JAG2: variants seen among roughly 807,000 people sequenced by gnomAD.
JAG2 encodes the protein jagged canonical Notch ligand 2, also known as protein jagged-2.
JAG2 carries 46 observed loss-of-function variants against 141.7 expected under a neutral mutation model. The observed-to-expected ratio is 0.32, with a 90% CI of 0.26 to 0.42. JAG2 has a LOEUF of 0.42. Ranked by LOEUF, JAG2 falls within the 10% of genes least tolerant of loss-of-function variation. JAG2 has a pLI of 1.00. For missense variants in JAG2, 1,500 were observed against 1,817.5 expected (o/e 0.83, Z 3.18); for synonymous variants, 862 against 763.5 (o/e 1.13, Z -2.13).
chr14:105,153,902 G>A (rs1888508338), intron 5 of JAG2, among the ~76,000 whole-genome samples: 1 of 151,882 alleles, frequency 6.6e-6, no homozygotes, highest in South Asian at 2.1e-4. Context: ...GAGGGTGAGT[G>A]GGGCCGACTC....
chr14:105,152,299 A>G lies in JAG2; in HGVS notation c.789-8T>C, dbSNP rs1208812334. Reference sequence around the variant, plus strand: ...TGCCAGCCGTAGCTGCACCTGGGGGAAGGAGGAGGGGCGCAAGACCCAGTG... The same window carrying G: ...TGCCAGCCGTAGCTGCACCTGGGGGGAGGAGGAGGGGCGCAAGACCCAGTG... On this transcript the variant is annotated splice_polypyrimidine_tract_variant and splice_region_variant and intron_variant, in intron 5 of 25. Coordinates refer to ENST00000331782, the MANE Select transcript of JAG2 (RefSeq NM_002226.5). 6.2e-7 allele frequency: 1 copy of G among 1,612,560 alleles called. No individual in the cohort carries two copies. Among genetic ancestry groups the G allele is most frequent in the Non-Finnish European group, 8.5e-7 (1 of 1,179,664 alleles).
chr14:105,151,982 C>T lies in JAG2; in HGVS notation c.995G>A (p.Arg332His), dbSNP rs587684377. ...TCINAEPDQYRCTCPDGYSGR... is the reference protein window; with the variant it reads ...TCINAEPDQYHCTCPDGYSGR... The stretch of plus-strand genomic sequence containing the variant: ...CGAGTAGCCGTCAGGGCAGGTGCAG[C>T]GGTACTGGTCAGGCTCGGCGTTGAT... Residue 332 changes from arginine (R) to histidine (H), a missense_variant, in exon 7 of 26, where the codon CGC becomes CAC. Arg to His is a conservative substitution (Grantham distance 29). Coordinates refer to ENST00000331782, the MANE Select transcript of JAG2 (RefSeq NM_002226.5). 2.1e-5 allele frequency: 34 copies of T among 1,613,362 alleles called. No individual in the cohort carries two copies. In the South Asian group the frequency reaches 2.9e-4, roughly 14 times the overall value.
intron 2 of JAG2, among the ~76,000 whole-genome samples, chr14:105,160,413 C>T (rs1888712732): frequency 6.8e-6 from 1 of 146,532 alleles, no homozygotes; most frequent in Non-Finnish European, 1.5e-5. Context: ...AGCACCCAGC[C>T]GCTTCCCAGG....
At chr14:105,164,970 C>G (rs1888865706) in intron 2 of JAG2, among the ~76,000 whole-genome samples, 1 of 152,174 alleles carries the variant, frequency 6.6e-6, no homozygotes, top group Non-Finnish European at 1.5e-5. Flanking sequence ...CCATCCCGTT[C>G]TCCTCATAAG....
chr14:105,162,813 TCCAGGGCACCCCCAGCCCAGGGCACTGC>T (rs1888795975), intron 2 of JAG2, among the ~76,000 whole-genome samples: 1 of 121,042 alleles, frequency 8.3e-6, no homozygotes, highest in Non-Finnish European at 1.8e-5. Context: ...GCACTCCAGG[TCCAGGGCACCCCCAGCCCAGGGCACTGC>T]ATGGCCCAGC....
chr14:105,153,491 C>T (rs1202362247), intron 5 of JAG2, among the ~76,000 whole-genome samples: 6 of 152,204 alleles, frequency 3.9e-5, no homozygotes, highest in African/African-American at 7.2e-5. Flanking sequence ...GTCCCAAGGG[C>T]GTGCTCTCGA....
rs987784915 is a variant in JAG2, at chr14:105,156,003, CAG to C, written c.476-16_476-15del. The stretch of plus-strand genomic sequence containing the variant: ...TCAGCAGCTCCTCTTGGGGAGGCGG[CAG>C]AGTCAGCACAGGCCAGAGAAACCAG... On this transcript the variant is annotated splice_polypyrimidine_tract_variant and intron_variant, in intron 3 of 25. Transcript: ENST00000331782. The C allele has an allele frequency of 6.2e-7, 1 of 1,600,032 alleles. No individual in the cohort carries two copies. Among genetic ancestry groups the C allele is most frequent in the Non-Finnish European group, 8.5e-7 (1 of 1,178,984 alleles).
At chr14:105,164,503 G>A (rs975866372) in intron 2 of JAG2, among the ~76,000 whole-genome samples, 1 of 152,224 alleles carries the variant, frequency 6.6e-6, no homozygotes, top group African/African-American at 2.4e-5. Context: ...ATCCCCTGAA[G>A]GTAGGGTGGG....
rs1888237151 is a variant in JAG2 at position 105,146,732 on chromosome 14, G to A, written c.2480-8C>T. Reference sequence around the variant, plus strand: ...ACTGGCACTCGTCGATGTCTGCAGGGAGAGCCACCGCTGCTCAGTGCAGTG... The same window carrying A: ...ACTGGCACTCGTCGATGTCTGCAGGAAGAGCCACCGCTGCTCAGTGCAGTG... On this transcript the variant is annotated splice_polypyrimidine_tract_variant and splice_region_variant and intron_variant, in intron 20 of 25. Transcript: ENST00000331782. 1.2e-6 allele frequency: 2 copies of A among 1,606,978 alleles called. No individual in the cohort carries two copies. Among genetic ancestry groups the A allele is most frequent in the South Asian group, 1.1e-5 (1 of 90,822 alleles).
chr14:105,168,236 C>A, intron 1 of JAG2, 119 bp downstream of exon 1: 1 of 824,540 alleles, frequency 1.2e-6, no homozygotes, highest in Non-Finnish European at 1.5e-6. Context: ...GCCCCAGCCG[C>A]CGCGCGCAGC....
Position 105,155,906 on chromosome 14 carries a change from C to T in JAG2, c.559G>A (p.Val187Met), listed in dbSNP as rs1331038208. The part of the protein sequence containing the change: ...RWKSLHFSGH[V>M]AHLELQIRVR... Reference sequence around the variant, plus strand: ...CGGATCTGCAGCTCCAGGTGCGCCACGTGGCCGCTGAAGTGCAGGCTCTTC... The same window carrying T: ...CGGATCTGCAGCTCCAGGTGCGCCATGTGGCCGCTGAAGTGCAGGCTCTTC... Residue 187 changes from valine to methionine, a missense_variant, in exon 4 of 26, where the codon GTG becomes ATG. By Grantham distance (21) the Val-to-Met change is conservative. Around this residue, in one of 3 missense-constraint regions of JAG2, gnomAD observed 875 missense variants for 1,202.2 expected, o/e 0.73. Coordinates refer to ENST00000331782, the MANE Select transcript of JAG2 (RefSeq NM_002226.5). 3.1e-6 allele frequency: 5 copies of T among 1,612,008 alleles called. 1 individual carries two copies. Among genetic ancestry groups the T allele is most frequent in the South Asian group, 2.2e-5 (2 of 90,994 alleles).
rs979203688 is a variant in JAG2 at position 105,167,106 on chromosome 14, G to A, written c.417+651C>T. ...GCCACCTGCCAGGGGAGACCAGACA[G>A]CCCCGACTCAGCTTCTGCCCCTCCA... On this transcript the variant is annotated intron_variant, in intron 2 of 25. Coordinates refer to ENST00000331782, the MANE Select transcript of JAG2 (RefSeq NM_002226.5). This position sits in a 1 kb window ranked among gnomAD's most constrained non-coding sequence, Gnocchi z 4.8. Among the ~76,000 whole-genome samples the A allele has an allele frequency of 6.6e-6, 1 of 152,134 alleles. No homozygotes were observed. The highest frequency in any genetic ancestry group is 6.5e-5 in the Admixed American group (1 of 15,288).
intron 12 of JAG2, among the ~76,000 whole-genome samples, chr14:105,149,718 T>C (rs796771372): frequency 2.9e-4 from 42 of 144,826 alleles, no homozygotes; most frequent in African/African-American, 1.0e-3. Flanking sequence ...ACCCCTGCCC[T>C]GGGCCCCAAG....
At chr14:105,150,110 T>C (rs1888376307) in intron 12 of JAG2, among the ~76,000 whole-genome samples, 1 of 49,738 alleles carries the variant, frequency 2.0e-5, no homozygotes, top group African/African-American at 8.6e-5. Context: ...GCAGGTTACT[T>C]TGGAGGCAGG....
rs998323369 is a variant in JAG2, at chr14:105,141,879, G to C, written c.*816C>G. 1 of 152,750 alleles carries C rather than the reference G, an allele frequency of 6.5e-6. No homozygotes were observed. Among genetic ancestry groups the C allele is most frequent in the African/African-American group, 2.4e-5 (1 of 41,596 alleles). 9.5% of individuals were successfully genotyped at this position (152,750 alleles called of 1,614,324 possible). A position where few individuals can be genotyped will look rare whatever the true frequency, so the allele number is the denominator to read the frequency against. ...CCACGGCACGCGTGGACAGTTGCGAGGGGTCTGTGTGAAGGCACTTGTCAC... is the reference window on the plus strand; with the variant it reads ...CCACGGCACGCGTGGACAGTTGCGACGGGTCTGTGTGAAGGCACTTGTCAC... On this transcript the variant is annotated 3_prime_UTR_variant, in exon 26 of 26. Transcript: ENST00000331782.
In JAG2 at chr14:105,168,380, A is replaced by C; in HGVS notation, c.41T>G (p.Leu14Arg). 2.9e-6 allele frequency: 3 copies of C among 1,023,742 alleles called. No homozygotes were observed. Among genetic ancestry groups the C allele is most frequent in the Non-Finnish European group, 2.4e-6 (2 of 833,078 alleles). The allele number at this position is 1,023,742 out of a possible 1,614,324, so 63.4% of individuals were successfully genotyped here. A position where few individuals can be genotyped will look rare whatever the true frequency, so the allele number is the denominator to read the frequency against. The change falls in exon 1 of 26, where the codon CTG (leucine) becomes CGG (arginine). Residue 14 changes from leucine (L) to arginine (R), a missense_variant. Transcript: ENST00000331782. The stretch of plus-strand genomic sequence containing the variant: ...CTGCACCCAGAGCGCCAGCAGCAGC[A>C]GCAGCCGCCGGGGAAGGCGCCCCCG... The part of the protein sequence containing the change: ...QGRGRLPRRL[L>R]LLLALWVQAA...
chr14:105,142,997 C>A lies in JAG2; in HGVS notation c.3415G>T (p.Glu1139Ter). Residue 1139 changes from glutamate (E) to a stop codon, truncating the protein, a stop_gained, in exon 26 of 26, where the codon GAG (glutamate) becomes TAG (stop). Coordinates refer to ENST00000331782, the MANE Select transcript of JAG2 (RefSeq NM_002226.5). LOFTEE classifies it low-confidence loss of function (END_TRUNC). ...ACGTCCTTGTGGCCCCCCGGCCGCT[C>A]AATGGGGTTGCGGATGGGGTTGAGC... ...APLNPIRNPI[E>*]RPGGHKDVLY... is the part of the protein sequence containing the mutation. 1 of 1,609,164 alleles carries A rather than the reference C, an allele frequency of 6.2e-7. No homozygotes were observed. Among genetic ancestry groups the A allele is most frequent in the Non-Finnish European group, 8.5e-7 (1 of 1,179,550 alleles).
At chr14:105,146,857 C>A in intron 20 of JAG2, 133 bp from the exon 21 acceptor site, 1 of 768,332 alleles carries the variant, frequency 1.3e-6, no homozygotes, top group South Asian at 1.5e-5. Context: ...CCCCTGCCCC[C>A]GAGCCCAAGC....
Position 105,143,026 on chromosome 14 carries a change from G to A in JAG2, c.3386C>T (p.Ala1129Val). Residue 1129 changes from alanine (A) to valine (V), a missense_variant, in exon 26 of 26, where the codon GCC (alanine) becomes GTC (valine). Physicochemically the swap from Ala to Val is moderately conservative, Grantham distance 64. This residue lies in a region of JAG2 where 425 missense variants were observed against 441.0 expected (regional missense o/e 0.96). Transcript: ENST00000331782. Reference protein sequence around the residue: ...PREESANNQWAPLNPIRNPIE... With the variant: ...PREESANNQWVPLNPIRNPIE... ...GGGGTTGCGGATGGGGTTGAGCGGGGCCCACTGGTTGTTGGCGCTCTCCTC... is the reference window on the plus strand; with the variant it reads ...GGGGTTGCGGATGGGGTTGAGCGGGACCCACTGGTTGTTGGCGCTCTCCTC... 3 of 1,605,874 alleles carry A rather than the reference G, an allele frequency of 1.9e-6. No individual in the cohort carries two copies. The highest frequency in any genetic ancestry group is 2.5e-6 in the Non-Finnish European group (3 of 1,179,686).
Sources: allele counts gnomAD v4.1 joint callset (sites outside exome capture counted in the v4.1 genomes callset), GRCh38; gene constraint gnomAD v4.1.1; regional missense constraint gnomAD v4.1.1; non-coding constraint Gnocchi (gnomAD v3.1); transcripts MANE v1.5; gene names NCBI Gene and HGNC (gene_info 2026-07-23, HGNC 2026-07-21).